LDLRAD3: variants seen among roughly 807,000 people sequenced by gnomAD.
The protein encoded by LDLRAD3 is low-density lipoprotein receptor class A domain-containing protein 3.
A neutral mutation model predicts 29.4 loss-of-function variants in LDLRAD3; 20 were observed. That is an observed-to-expected ratio of 0.68 (90% CI 0.48 to 0.99). The LOEUF (loss-of-function observed/expected upper bound fraction) is 0.99. Ranked by LOEUF, LDLRAD3 falls within the 50% of genes least tolerant of loss-of-function variation. The pLI, the probability that LDLRAD3 is intolerant of heterozygous loss-of-function variation, is 0.00. For synonymous variants in LDLRAD3, 157 were observed against 192.7 expected (o/e 0.81, Z 1.53); for missense variants, 420 against 454.3 (o/e 0.92, Z 0.69).
chr11:36,049,642 G>A (rs1395821903), intron 2 of LDLRAD3, among the ~76,000 whole-genome samples: 3 of 152,184 alleles, frequency 2.0e-5, no homozygotes, highest in African/African-American at 7.2e-5. Flanking sequence ...GAATGTCTTA[G>A]GTCTGAAAGG....
chr11:36,012,127 G>A (rs965279086), intron 1 of LDLRAD3, among the ~76,000 whole-genome samples: 11 of 151,894 alleles, frequency 7.2e-5, no homozygotes, highest in Non-Finnish European at 1.2e-4. Flanking sequence ...CCTTATCTTC[G>A]GGGGGTACAT....
rs78027431 is a variant in LDLRAD3 at position 36,229,141 on chromosome 11, C to T, written c.801-19C>T. The T allele has an allele frequency of 2.6e-3, 4,125 of 1,563,992 alleles. 92 individuals carry two copies. In the African/African-American group the frequency reaches 0.049, roughly 19 times the overall value. On this transcript the variant is annotated intron_variant, in intron 5 of 5. Transcript: ENST00000315571. ...TTCCTGTCTCCATTGCCCCTGCCCC[C>T]CTGCTGTCCCCATCACAGGCCTGCG...
chr11:36,074,248 G>C (rs150465505), intron 2 of LDLRAD3, among the ~76,000 whole-genome samples: 1 of 152,218 alleles, frequency 6.6e-6, no homozygotes, highest in Non-Finnish European at 1.5e-5. Flanking sequence ...AGGCAGAGGC[G>C]TTAGCCAAAC....
chr11:36,043,571 A>G (rs957133133), intron 2 of LDLRAD3, among the ~76,000 whole-genome samples: 23 of 152,202 alleles, frequency 1.5e-4, no homozygotes, highest in Admixed American at 1.2e-3. Flanking sequence ...GTTGTACTGG[A>G]GTAGGGTGGG....
At chr11:36,066,446 T>C (rs1852794796) in intron 2 of LDLRAD3, among the ~76,000 whole-genome samples, 1 of 152,228 alleles carries the variant, frequency 6.6e-6, no homozygotes, top group African/African-American at 2.4e-5. Flanking sequence ...TCAAGATTTG[T>C]CTGTAGAAGC....
At chr11:36,105,076 G>A (rs543849196) in intron 4 of LDLRAD3, among the ~76,000 whole-genome samples, 2 of 152,212 alleles carry the variant, frequency 1.3e-5, no homozygotes, top group South Asian at 4.2e-4. Context: ...AAGTGTTTTG[G>A]CAGTTTCTTT....
chr11:36,133,921 G>A (rs1853967152), intron 4 of LDLRAD3, among the ~76,000 whole-genome samples: 1 of 151,954 alleles, frequency 6.6e-6, no homozygotes, highest in Non-Finnish European at 1.5e-5. Flanking sequence ...AGAACTGAAA[G>A]CTGAGAAAAA....
chr11:36,117,144 C>A (rs898522334), intron 4 of LDLRAD3, among the ~76,000 whole-genome samples: 1 of 152,070 alleles, frequency 6.6e-6, no homozygotes, highest in Non-Finnish European at 1.5e-5. Context: ...AGGTATGAGC[C>A]ACCGCACCTG....
At chr11:36,170,003 T>C (rs1384230832) in intron 4 of LDLRAD3, among the ~76,000 whole-genome samples, 1 of 151,974 alleles carries the variant, frequency 6.6e-6, no homozygotes, top group Non-Finnish European at 1.5e-5. Flanking sequence ...GTGCAGTCTT[T>C]TATCCCTCAC....
At chr11:36,191,754 T>C (rs1854956971) in intron 4 of LDLRAD3, among the ~76,000 whole-genome samples, 2 of 151,776 alleles carry the variant, frequency 1.3e-5, no homozygotes. Flanking sequence ...GCTAAACAAA[T>C]GGGGAGGGGG....
intron 4 of LDLRAD3, among the ~76,000 whole-genome samples, chr11:36,179,746 A>G (rs1258010516): frequency 6.6e-6 from 1 of 151,512 alleles, no homozygotes; most frequent in African/African-American, 2.4e-5. Flanking sequence ...TAATTCCAGC[A>G]CTTTGGGAGG....
At chr11:36,187,211 C>A (rs1854864430) in intron 4 of LDLRAD3, among the ~76,000 whole-genome samples, 1 of 151,998 alleles carries the variant, frequency 6.6e-6, no homozygotes, top group South Asian at 2.1e-4. Context: ...TCAGAAGTAA[C>A]CTATGCATAT....
chr11:36,218,786 T>C (rs1295512243), intron 4 of LDLRAD3, among the ~76,000 whole-genome samples: 1 of 152,194 alleles, frequency 6.6e-6, no homozygotes, highest in Non-Finnish European at 1.5e-5. Context: ...GCCTGAATGG[T>C]ATTGTAGCAT....
chr11:36,094,541 T>C (rs1386726697), intron 3 of LDLRAD3, among the ~76,000 whole-genome samples: 1 of 152,206 alleles, frequency 6.6e-6, no homozygotes, highest in East Asian at 1.9e-4. Context: ...CCTTTTCTTT[T>C]CTTTTCTTTT....
intron 2 of LDLRAD3, among the ~76,000 whole-genome samples, chr11:36,044,447 A>G (rs1044154476): frequency 2.0e-5 from 3 of 152,114 alleles, no homozygotes; most frequent in African/African-American, 2.4e-5. Context: ...CCTCAAACAC[A>G]TGTATACTGG....
At chr11:35,981,221 G>A (rs570095796) in intron 1 of LDLRAD3, among the ~76,000 whole-genome samples, 3 of 150,214 alleles carry the variant, frequency 2.0e-5, no homozygotes, top group Non-Finnish European at 3.0e-5. Flanking sequence ...GGTTGGGGGT[G>A]GGGGGGCTGA....
chr11:36,224,421 C>T (rs1177847888), intron 4 of LDLRAD3, among the ~76,000 whole-genome samples: 1 of 152,118 alleles, frequency 6.6e-6, no homozygotes, highest in East Asian at 1.9e-4. Context: ...TTAGTTTAAG[C>T]CAGAATTCTG....
chr11:36,196,366 G>A (rs1188622296), intron 4 of LDLRAD3: 1 of 152,226 alleles, frequency 6.6e-6, no homozygotes, highest in Non-Finnish European at 1.5e-5. Context: ...CCGTTTGTAG[G>A]ACAAGTTGTC....
At chr11:36,005,631 C>T (rs996517495) in intron 1 of LDLRAD3, among the ~76,000 whole-genome samples, 39 of 152,298 alleles carry the variant, frequency 2.6e-4, no homozygotes, top group African/African-American at 7.9e-4. Context: ...TTCACATGTT[C>T]TGGTATCTTT....
Sources: gnomAD v4.1 joint callset for allele counts (sites outside exome capture counted in the v4.1 genomes callset) on GRCh38, gnomAD v4.1.1 for gene constraint, MANE v1.5 for transcripts, NCBI Gene and HGNC (gene_info 2026-07-23, HGNC 2026-07-21) for gene names.